ANK3: variants seen among roughly 807,000 people sequenced by gnomAD.
The protein encoded by ANK3 is ankyrin 3.
A neutral mutation model predicts 370.9 loss-of-function variants in ANK3; 57 were observed. The observed-to-expected ratio is 0.15, with a 90% CI of 0.12 to 0.19. ANK3 has a LOEUF of 0.19. Ranked by LOEUF, ANK3 falls within the 10% of genes least tolerant of loss-of-function variation. The pLI, the probability that ANK3 is intolerant of heterozygous loss-of-function variation, is 1.00. For synonymous variants in ANK3, 1,929 were observed against 1,946.3 expected (o/e 0.99, Z 0.23); for missense variants, 4,439 against 5,302.1 (o/e 0.84, Z 5.06).
At position 60,086,919 on chromosome 10, in the gene ANK3, C is replaced by CTTT. The variant is rs748424381; in HGVS notation, c.3541-38_3541-36dup. 5.9e-3 allele frequency: 5,842 copies of CTTT among 985,742 alleles called. 215 individuals are homozygous for CTTT. In the African/African-American group the frequency reaches 0.11, roughly 19 times the overall value. The allele number at this position is 985,742 out of a possible 1,614,324, so 61.1% of individuals were successfully genotyped here. ...GAGAAAGGACTTTAAATGAAAGTGA[C>CTTT]TTTTTTTTTTTTTTTTCCCAATCAT... On this transcript the variant is annotated intron_variant, in intron 29 of 43. Transcript: ENST00000280772.
rs569848364 is a variant in ANK3 at position 60,257,031 on chromosome 10, A to C, written c.798+4828T>G. Among the ~76,000 whole-genome samples, 7 of 152,316 alleles carry C rather than the reference A, an allele frequency of 4.6e-5. No individual in the cohort carries two copies. In the South Asian group the frequency reaches 1.4e-3, roughly 32 times the overall value. On this transcript the variant is annotated intron_variant, in intron 7 of 43. Transcript: ENST00000280772. Reference sequence around the variant, plus strand: ...GAATGGTAGTTTAAGTTCTTTGAGAAATCTCCAAACTGCTTTCCAATTTGT... The same window carrying C: ...GAATGGTAGTTTAAGTTCTTTGAGACATCTCCAAACTGCTTTCCAATTTGT...
At position 60,154,792 on chromosome 10, in the gene ANK3, C is replaced by G. The variant is rs10159755; in HGVS notation, c.2614+11799G>C. 7.4e-3 allele frequency among the ~76,000 whole-genome samples: 1,128 copies of G among 152,240 alleles called. 14 individuals carry two copies. The highest frequency in any genetic ancestry group is 0.026 in the African/African-American group (1,076 of 41,518). ...CCTGGGCAACAGAGTGAGACTGTCT[C>G]AAAACAAAACAAAATGAAACAACCA... On this transcript the variant is annotated intron_variant, in intron 23 of 43. Coordinates refer to ENST00000280772, the MANE Select transcript of ANK3 (RefSeq NM_020987.5).
At chr10:60,216,841 T>C (rs2096945299) in intron 8 of ANK3, among the ~76,000 whole-genome samples, 1 of 152,190 alleles carries the variant, frequency 6.6e-6, no homozygotes, top group African/African-American at 2.4e-5. Flanking sequence ...GAAGGAATGG[T>C]ACTAGCTCCT....
At chr10:60,253,429 G>A (rs1275537276) in intron 7 of ANK3, among the ~76,000 whole-genome samples, 2 of 152,148 alleles carry the variant, frequency 1.3e-5, no homozygotes, top group Non-Finnish European at 2.9e-5. Context: ...CACTCCACAC[G>A]GGAAGATGTC....
intron 2 of ANK3, among the ~76,000 whole-genome samples, chr10:60,408,541 G>A (rs2063498517): frequency 6.6e-6 from 1 of 152,064 alleles, no homozygotes. Flanking sequence ...GCAGAACAAT[G>A]GGCCAATTAA....
At chr10:60,140,763 T>C (rs1399027684) in intron 23 of ANK3, 1 of 1,073,016 alleles carries the variant, frequency 9.3e-7, no homozygotes, top group African/African-American at 1.7e-5. Context: ...TATTTGTATG[T>C]AAATATGAGG....
At chr10:60,578,211 T>C (rs1318911812) in intron 2 of ANK3, among the ~76,000 whole-genome samples, 2 of 152,228 alleles carry the variant, frequency 1.3e-5, no homozygotes, top group African/African-American at 4.8e-5. Context: ...ATAATAAAAG[T>C]ATATTAGTAA....
At chr10:60,064,126 T>C in intron 39 of ANK3, 31 bp downstream of exon 39, 2 of 1,532,140 alleles carry the variant, frequency 1.3e-6, no homozygotes, top group Non-Finnish European at 1.7e-6. Flanking sequence ...TATGCAGTTT[T>C]GAAAGTTAAA....
At chr10:60,336,100 A>G (rs1594033626) in intron 1 of ANK3, among the ~76,000 whole-genome samples, 3 of 150,046 alleles carry the variant, frequency 2.0e-5, no homozygotes, top group African/African-American at 7.5e-5. Flanking sequence ...CGGGGGGGGG[A>G]AGCTGGTGCC....
At chr10:60,182,716 C>T (rs1027530701) in intron 17 of ANK3, among the ~76,000 whole-genome samples, 1 of 152,142 alleles carries the variant, frequency 6.6e-6, no homozygotes, top group African/African-American at 2.4e-5. Flanking sequence ...GCTATTCCAT[C>T]AGAGCAATTA....
intron 2 of ANK3, among the ~76,000 whole-genome samples, chr10:60,585,725 G>A (rs1329235121): frequency 6.6e-6 from 1 of 152,070 alleles, no homozygotes; most frequent in Non-Finnish European, 1.5e-5. Context: ...GTACCAAGGT[G>A]AAGAACTGTA....
intron 5 of ANK3, among the ~76,000 whole-genome samples, chr10:60,266,224 GA>G (rs2097876649): frequency 6.6e-6 from 1 of 152,080 alleles, no homozygotes; most frequent in Admixed American, 6.5e-5. Context: ...GATATAACAA[GA>G]AAAGTAGTCT....
At chr10:60,522,346 CTT>C (rs11425050) in intron 2 of ANK3, among the ~76,000 whole-genome samples, 1 of 144,682 alleles carries the variant, frequency 6.9e-6, no homozygotes, top group Non-Finnish European at 1.5e-5. Context: ...CATATTGAGA[CTT>C]TTTTTTTTTT....
intron 1 of ANK3, among the ~76,000 whole-genome samples, chr10:60,305,290 G>C (rs924959598): frequency 3.3e-5 from 5 of 151,402 alleles, no homozygotes; most frequent in Admixed American, 6.6e-5. Flanking sequence ...AAATGCTGAG[G>C]GCCAGGAGTC....
At chr10:60,643,515 T>TCTAC (rs1248064758) in intron 1 of ANK3, among the ~76,000 whole-genome samples, 1 of 151,508 alleles carries the variant, frequency 6.6e-6, no homozygotes, top group Admixed American at 6.6e-5. Flanking sequence ...TATCTATCTA[T>TCTAC]CTATCTATCT....
At chr10:60,299,781 T>G (rs1023130863) in intron 1 of ANK3, among the ~76,000 whole-genome samples, 2 of 152,234 alleles carry the variant, frequency 1.3e-5, no homozygotes, top group African/African-American at 4.8e-5. Context: ...CTATGTGCAA[T>G]TCTATTAAGA....
chr10:60,537,213 A>G (rs1035799846), intron 2 of ANK3, among the ~76,000 whole-genome samples: 7 of 152,082 alleles, frequency 4.6e-5, no homozygotes, highest in Non-Finnish European at 1.0e-4. Context: ...GAAAACAGTT[A>G]TCGTATTTGC....
intron 1 of ANK3, among the ~76,000 whole-genome samples, chr10:60,619,253 T>C (rs1595355618): frequency 6.6e-6 from 1 of 152,124 alleles, no homozygotes; most frequent in East Asian, 1.9e-4. Context: ...AACCAAGTCT[T>C]GAAAAACACA....
chr10:60,169,363 A>AGTTT (rs372143456), intron 21 of ANK3, among the ~76,000 whole-genome samples: 1,377 of 47,192 alleles, frequency 0.029, 135 homozygotes, highest in African/African-American at 0.078. Flanking sequence ...CTTGTCTCAT[A>AGTTT]GTTTTTTTTT....
Sources: gnomAD v4.1 joint callset for allele counts (sites outside exome capture counted in the v4.1 genomes callset) on GRCh38, gnomAD v4.1.1 for gene constraint, MANE v1.5 for transcripts, NCBI Gene and HGNC (gene_info 2026-07-23, HGNC 2026-07-21) for gene names.